PTGR3: variants seen among roughly 807,000 people sequenced by gnomAD.
PTGR3 encodes the protein zinc binding alcohol dehydrogenase domain containing 2.
chr18:75,199,887 G>T, the PTGR3 span: 1 of 152,556 alleles, frequency 6.6e-6, no homozygotes, highest in Non-Finnish European at 1.5e-5. Context: ...CCATTATTTG[G>T]TTCCATTTAC....
the PTGR3 span, chr18:75,197,455 A>T: frequency 6.6e-6 from 1 of 152,220 alleles, no homozygotes; most frequent in Admixed American, 6.5e-5. Context: ...CTTTAAAGCG[A>T]CCACACCAAC....
the PTGR3 span, chr18:75,201,740 C>T: frequency 1.2e-6 from 2 of 1,614,206 alleles, no homozygotes; most frequent in South Asian, 1.1e-5. Context: ...CAGAGATAAA[C>T]CCTATTACTA....
the PTGR3 span, chr18:75,209,048 A>C: frequency 6.4e-7 from 1 of 1,554,664 alleles, no homozygotes; most frequent in Non-Finnish European, 8.7e-7. The surrounding 1 kb of genome is among the most constrained non-coding windows in gnomAD (Gnocchi z 4.7). Flanking sequence ...GGTGGGCACC[A>C]GCCGCAGCAT....
chr18:75,206,405 T>C, the PTGR3 span, among the ~76,000 whole-genome samples: 1 of 152,204 alleles, frequency 6.6e-6, no homozygotes, highest in South Asian at 2.1e-4. Context: ...CTCAATTCAT[T>C]CTAGAGCGGA....
chr18:75,206,610 G>A, the PTGR3 span, among the ~76,000 whole-genome samples: 4 of 152,190 alleles, frequency 2.6e-5, no homozygotes, highest in Non-Finnish European at 5.9e-5. Flanking sequence ...CAACGTGGTG[G>A]TGGGAGCAGA....
At chr18:75,204,671 C>T in the PTGR3 span, among the ~76,000 whole-genome samples, 4 of 152,130 alleles carry the variant, frequency 2.6e-5, no homozygotes, top group African/African-American at 4.8e-5. Context: ...TCATTGACCC[C>T]AACTCCCGGG....
At chr18:75,200,084 T>A in the PTGR3 span, 1 of 152,270 alleles carries the variant, frequency 6.6e-6, no homozygotes, top group Non-Finnish European at 1.5e-5. Flanking sequence ...CGTCCATATT[T>A]ACTGAGCAGG....
the PTGR3 span, chr18:75,198,182 T>G: frequency 6.6e-6 from 1 of 152,130 alleles, no homozygotes; most frequent in Non-Finnish European, 1.5e-5. Flanking sequence ...AAAAACCAGG[T>G]CCCTAAGGCA....
the PTGR3 span, chr18:75,201,233 T>A: frequency 3.5e-6 from 2 of 579,618 alleles, no homozygotes; most frequent in Non-Finnish European, 5.9e-6. Context: ...TTAGCACATT[T>A]TTTTTTTTCC....
At chr18:75,207,783 A>G in the PTGR3 span, among the ~76,000 whole-genome samples, 2 of 152,242 alleles carry the variant, frequency 1.3e-5, no homozygotes, top group African/African-American at 4.8e-5. Flanking sequence ...TTAGGAAGGT[A>G]CATTTTGTCC....
the PTGR3 span, chr18:75,200,624 C>T: frequency 5.3e-5 from 8 of 152,130 alleles, no homozygotes; most frequent in Non-Finnish European, 1.2e-4. Context: ...GAATGGAGCG[C>T]ACACTTTTCT....
At chr18:75,205,615 C>T in the PTGR3 span, 1 of 476,976 alleles carries the variant, frequency 2.1e-6, no homozygotes, top group Non-Finnish European at 2.7e-6. Flanking sequence ...GGGAGAGGAA[C>T]GCTTTCCTCT....
the PTGR3 span, among the ~76,000 whole-genome samples, chr18:75,205,862 T>C: frequency 0.59 from 88,942 of 151,860 alleles, 26,385 homozygotes; most frequent in Middle Eastern, 0.68. Context: ...CTGTTCCCCT[T>C]CCGTAAGCAA....
At chr18:75,204,051 T>C in the PTGR3 span, among the ~76,000 whole-genome samples, 1 of 152,348 alleles carries the variant, frequency 6.6e-6, no homozygotes. Context: ...TGCAATCCTT[T>C]GCCCACGATT....
the PTGR3 span, chr18:75,208,533 C>G: frequency 2.8e-6 from 3 of 1,082,392 alleles, no homozygotes; most frequent in African/African-American, 5.0e-5. Flanking sequence ...CTTCTGGGTC[C>G]CGTCGGTTTT....
At chr18:75,198,521 T>A in the PTGR3 span, 1 of 141,248 alleles carries the variant, frequency 7.1e-6, no homozygotes, top group South Asian at 2.2e-4. Flanking sequence ...ATTCCCTGAA[T>A]TTTTTTTTTT....
At chr18:75,208,336 C>A in the PTGR3 span, 12 of 986,366 alleles carry the variant, frequency 1.2e-5, no homozygotes, top group Non-Finnish European at 1.3e-5. Context: ...ACGACAGGCT[C>A]CGCCACTGCG....
At chr18:75,208,730 G>C in the PTGR3 span, 1 of 1,028,650 alleles carries the variant, frequency 9.7e-7, no homozygotes, top group Non-Finnish European at 1.2e-6. Context: ...CTCAGGCTGT[G>C]CGCCCGAGCG....
chr18:75,196,862 C>G, the PTGR3 span: 1 of 152,052 alleles, frequency 6.6e-6, no homozygotes, highest in African/African-American at 2.4e-5. Flanking sequence ...GACCACAGAG[C>G]CCCTTTAGTC....
Sources: gnomAD v4.1 joint callset for allele counts (sites outside exome capture counted in the v4.1 genomes callset) on GRCh38, gnomAD v4.1.1 for gene constraint, Gnocchi (gnomAD v3.1) non-coding constraint, MANE v1.5 for transcripts, NCBI Gene and HGNC (gene_info 2026-07-23, HGNC 2026-07-21) for gene names.